The following DISC1 variants were observed in gnomAD, a reference collection of about 807,000 sequenced individuals.
The protein encoded by DISC1 is disrupted in schizophrenia 1 protein.
DISC1 carries 57 observed loss-of-function variants against 84.5 expected under a neutral mutation model. The observed-to-expected ratio is 0.67, with a 90% CI of 0.55 to 0.84. The LOEUF (loss-of-function observed/expected upper bound fraction) is 0.84. Among genes scored for constraint, DISC1 ranks in the 40% least tolerant of loss-of-function variants. The probability of loss-of-function intolerance (pLI) is 0.00; values close to 1 mark genes in which losing one functional copy is unlikely to be tolerated. For synonymous variants in DISC1, 411 were observed against 415.2 expected, an observed-to-expected ratio of 0.99 and a Z score of 0.12; for missense variants, 1,000 against 1,057.8, an observed-to-expected ratio of 0.95 and a Z score of 0.76.
At chr1:231,715,565 A>G (rs1356095170) in intron 3 of DISC1, among the ~76,000 whole-genome samples, 1 of 152,200 alleles carries the variant, frequency 6.6e-6, no homozygotes, top group African/African-American at 2.4e-5. Context: ...GGGCTCAGGA[A>G]AAGTTCAACC....
chr1:231,645,961 A>G (rs2060092454), intron 1 of DISC1, among the ~76,000 whole-genome samples: 1 of 151,940 alleles, frequency 6.6e-6, no homozygotes, highest in Non-Finnish European at 1.5e-5. Flanking sequence ...TACAGAGAAG[A>G]AAAACAAGGA....
chr1:231,901,981 C>T (rs573016385), intron 9 of DISC1, among the ~76,000 whole-genome samples: 5 of 152,184 alleles, frequency 3.3e-5, no homozygotes, highest in African/African-American at 9.6e-5. Flanking sequence ...AAGAGCCCCA[C>T]GTTTCATGGG....
intron 1 of DISC1, among the ~76,000 whole-genome samples, chr1:231,651,112 G>A (rs1050519786): frequency 1.4e-4 from 22 of 152,160 alleles, no homozygotes; most frequent in African/African-American, 5.1e-4. Context: ...TGTTGCTGGC[G>A]AGGAGCTGTG....
At chr1:231,669,330 T>C (rs1357159276) in intron 1 of DISC1, among the ~76,000 whole-genome samples, 11 of 152,292 alleles carry the variant, frequency 7.2e-5, no homozygotes, top group Admixed American at 7.2e-4. Context: ...GATTTCATGA[T>C]GAAGATGCCA....
chr1:231,673,625 A>G (rs1315681379), intron 1 of DISC1, among the ~76,000 whole-genome samples: 2 of 152,224 alleles, frequency 1.3e-5, no homozygotes, highest in Non-Finnish European at 2.9e-5. Flanking sequence ...AAGATCTTTC[A>G]TTAGGAGGCT....
chr1:231,764,262 G>A (rs1232267779), intron 4 of DISC1, among the ~76,000 whole-genome samples: 1 of 152,184 alleles, frequency 6.6e-6, no homozygotes, highest in African/African-American at 2.4e-5. Context: ...ACACAGACAT[G>A]TTCAAGAGCT....
At chr1:231,963,998 A>G (rs538555058) in intron 10 of DISC1, among the ~76,000 whole-genome samples, 40 of 152,262 alleles carry the variant, frequency 2.6e-4, no homozygotes, top group Admixed American at 2.1e-3. Flanking sequence ...TCAGGGGTCG[A>G]TCTTTAACTG....
chr1:231,776,436 G>T (rs1033644182), intron 6 of DISC1, among the ~76,000 whole-genome samples: 2 of 152,240 alleles, frequency 1.3e-5, no homozygotes, highest in African/African-American at 4.8e-5. Flanking sequence ...TTGGCACAAA[G>T]TGTGAAACAA....
rs58820518 is a variant in DISC1 at position 231,640,528 on chromosome 1, A to ATTT, written c.67+13610_67+13612dup. 5.5e-3 allele frequency among the ~76,000 whole-genome samples: 733 copies of ATTT among 133,272 alleles called. 14 individuals carry two copies. The highest frequency in any genetic ancestry group is 0.018 in the African/African-American group (652 of 35,492). 87.4% of individuals were successfully genotyped at this position (133,272 alleles called of 152,430 possible). A position where few individuals can be genotyped will look rare whatever the true frequency, so the allele number is the denominator to read the frequency against. The stretch of plus-strand genomic sequence containing the variant: ...TGTGGGCTCACCAGACCTCCTTGGT[A>ATTT]TTTTTTTTTTTTTTTTTTGAGACAA... On this transcript the variant is annotated intron_variant, in intron 1 of 12. Transcript: ENST00000439617.
intron 1 of DISC1, among the ~76,000 whole-genome samples, chr1:231,663,932 A>G (rs1032160025): frequency 6.6e-6 from 1 of 152,168 alleles, no homozygotes; most frequent in Non-Finnish European, 1.5e-5. Flanking sequence ...GGATTAGCTA[A>G]TAGAAGCATC....
chr1:232,027,793 CTG>C (rs35448234), intron 12 of DISC1, among the ~76,000 whole-genome samples: 10,362 of 143,034 alleles, frequency 0.072, 419 homozygotes, highest in East Asian at 0.16. Context: ...ACTTTATGGG[CTG>C]TGTGTGTGTG....
intron 10 of DISC1, among the ~76,000 whole-genome samples, chr1:231,974,320 A>G (rs1276557898): frequency 6.6e-6 from 1 of 152,218 alleles, no homozygotes; most frequent in Non-Finnish European, 1.5e-5. Context: ...ATATGATATC[A>G]TTTAAAATAA....
intron 9 of DISC1, among the ~76,000 whole-genome samples, chr1:231,896,789 T>C (rs1406345100): frequency 6.6e-6 from 1 of 150,682 alleles, no homozygotes; most frequent in East Asian, 1.9e-4. Context: ...TCTGGCACCA[T>C]GTCGTTCAGT....
intron 3 of DISC1, among the ~76,000 whole-genome samples, chr1:231,711,558 C>T (rs1233765503): frequency 1.3e-5 from 2 of 150,686 alleles, no homozygotes; most frequent in African/African-American, 4.9e-5. Context: ...TTAATAGAGA[C>T]GGGGTTTCAC....
chr1:231,872,255 C>T (rs2085517419), intron 9 of DISC1, among the ~76,000 whole-genome samples: 1 of 151,996 alleles, frequency 6.6e-6, no homozygotes, highest in Non-Finnish European at 1.5e-5. Context: ...TTCTTTCATT[C>T]TTTGTTTTTT....
intron 6 of DISC1, among the ~76,000 whole-genome samples, 165 bp from the exon 7 acceptor site, chr1:231,795,077 A>G (rs1414882388): frequency 2.0e-5 from 3 of 152,200 alleles, no homozygotes; most frequent in Non-Finnish European, 4.4e-5. Flanking sequence ...TCCTAGCACC[A>G]TATTTATTCC....
chr1:231,930,884 G>A (rs541795878), intron 9 of DISC1, among the ~76,000 whole-genome samples: 1 of 152,328 alleles, frequency 6.6e-6, no homozygotes, highest in African/African-American at 2.4e-5. Context: ...CCATCTGTGA[G>A]CAGAGGTGTG....
intron 1 of DISC1, among the ~76,000 whole-genome samples, chr1:231,644,985 A>C (rs1446935294): frequency 1.3e-5 from 2 of 151,996 alleles, no homozygotes; most frequent in Middle Eastern, 3.2e-3. Flanking sequence ...GTAGCCTTTA[A>C]ATAGATTTTC....
chr1:231,757,598 T>C (rs1280336289), intron 4 of DISC1, among the ~76,000 whole-genome samples: 1 of 152,154 alleles, frequency 6.6e-6, no homozygotes, highest in Admixed American at 6.5e-5. Flanking sequence ...CAGATATCGG[T>C]ACTCAAATCA....
Sources: allele counts gnomAD v4.1 joint callset (sites outside exome capture counted in the v4.1 genomes callset), GRCh38; gene constraint gnomAD v4.1.1; transcripts MANE v1.5; gene names NCBI Gene and HGNC (gene_info 2026-07-23, HGNC 2026-07-21).